PDE3A: variants seen among roughly 807,000 people sequenced by gnomAD.
PDE3A encodes the protein phosphodiesterase 3A.
In PDE3A, 43 loss-of-function variants were observed where a neutral mutation model predicts 98.3. The ratio of observed to expected loss-of-function variants is 0.44; its 90% CI spans 0.34 to 0.56. The LOEUF (loss-of-function observed/expected upper bound fraction) is 0.56, where lower values mean the gene tolerates loss of function less well. PDE3A is among the 20% of genes least tolerant of loss of function. PDE3A has a pLI of 0.01. For missense variants in PDE3A, 1,427 were observed against 1,440.7 expected (o/e 0.99, Z 0.15); for synonymous variants, 663 against 567.9 (o/e 1.17, Z -2.38).
chr12:20,659,795 C>T (rs752676566), intron 15 of PDE3A, among the ~76,000 whole-genome samples: 11 of 152,170 alleles, frequency 7.2e-5, no homozygotes, highest in Non-Finnish European at 1.5e-4. Flanking sequence ...CTGTAGACCA[C>T]TTTTTCGTAT....
chr12:20,635,337 C>T (rs569771187), intron 8 of PDE3A, among the ~76,000 whole-genome samples: 4 of 152,070 alleles, frequency 2.6e-5, no homozygotes, highest in South Asian at 2.1e-4. Flanking sequence ...GAGGCCAAGG[C>T]GGGAGTATCA....
chr12:20,688,450 C>T lies in PDE3A; in HGVS notation c.*8179C>T, dbSNP rs1259826127. Among the ~76,000 whole-genome samples, 5 of 150,974 alleles carry T rather than the reference C, an allele frequency of 3.3e-5. No individual in the cohort carries two copies. The highest frequency in any genetic ancestry group is 1.2e-4 in the African/African-American group (5 of 41,174). ...TTTTTGCCAGAATTACTGGAAGTGC[C>T]TCTTGGTTTTATATATATAATATAT... On this transcript the variant is annotated 3_prime_UTR_variant, in exon 16 of 16. Coordinates refer to ENST00000359062, the MANE Select transcript of PDE3A (RefSeq NM_000921.5).
intron 1 of PDE3A, among the ~76,000 whole-genome samples, chr12:20,472,035 C>A (rs1259168829): frequency 6.6e-6 from 1 of 152,142 alleles, no homozygotes. Context: ...GCAGCTACAT[C>A]CCCACCCTCT....
At chr12:20,518,022 C>T (rs1230830911) in intron 1 of PDE3A, among the ~76,000 whole-genome samples, 1 of 152,164 alleles carries the variant, frequency 6.6e-6, no homozygotes, top group African/African-American at 2.4e-5. Context: ...CAGACAGGGA[C>T]TCATGTCTCC....
chr12:20,525,637 T>A (rs531154765), intron 1 of PDE3A, among the ~76,000 whole-genome samples: 1 of 152,312 alleles, frequency 6.6e-6, no homozygotes, highest in Non-Finnish European at 1.5e-5. Flanking sequence ...TGATTTACTC[T>A]TAATAGGATT....
At chr12:20,581,152 T>C (rs1326691074) in intron 2 of PDE3A, among the ~76,000 whole-genome samples, 3 of 152,192 alleles carry the variant, frequency 2.0e-5, no homozygotes, top group South Asian at 2.1e-4. Context: ...ACTCAGAACA[T>C]TGGACTTAAT....
chr12:20,615,029 T>C (rs1943970270), intron 3 of PDE3A, among the ~76,000 whole-genome samples: 1 of 139,866 alleles, frequency 7.1e-6, no homozygotes, highest in African/African-American at 2.7e-5. Flanking sequence ...TTTTTTTTTT[T>C]TTTTTTTTTT....
chr12:20,377,851 G>A (rs931604810), intron 1 of PDE3A, among the ~76,000 whole-genome samples: 2 of 151,650 alleles, frequency 1.3e-5, no homozygotes, highest in Non-Finnish European at 3.0e-5. Flanking sequence ...TTTGCCTTTA[G>A]GAGTTTGGTA....
rs897928436 is a variant in PDE3A at position 20,680,157 on chromosome 12, G to A, written c.3312G>A (p.Leu1104=). ...QRLAGIENQS[L]DQTPQSHSSE... Reference sequence around the variant, plus strand: ...TGGCAGGCATAGAAAATCAATCCCTGGACCAGACCCCTCAGTCGCACTCTT... The same window carrying A: ...TGGCAGGCATAGAAAATCAATCCCTAGACCAGACCCCTCAGTCGCACTCTT... Residue 1104 remains leucine (L), a synonymous_variant, in exon 16 of 16, where the codon CTG becomes CTA. Coordinates refer to ENST00000359062, the MANE Select transcript of PDE3A (RefSeq NM_000921.5). 6.2e-7 allele frequency: 1 copy of A among 1,613,838 alleles called. No individual in the cohort carries two copies. The highest frequency in any genetic ancestry group is 8.5e-7 in the Non-Finnish European group (1 of 1,179,886).
chr12:20,451,669 A>G (rs1945068389), intron 1 of PDE3A, among the ~76,000 whole-genome samples: 1 of 152,192 alleles, frequency 6.6e-6, no homozygotes, highest in Non-Finnish European at 1.5e-5. Context: ...TTTGAATGTG[A>G]GAAGAATCCC....
chr12:20,400,462 A>C (rs1194642187), intron 1 of PDE3A, among the ~76,000 whole-genome samples: 4 of 132,908 alleles, frequency 3.0e-5, no homozygotes, highest in Admixed American at 8.6e-5. Context: ...GCTGGAGTGC[A>C]GTGGCGCTAT....
chr12:20,536,549 T>C (rs1034428877), intron 1 of PDE3A, among the ~76,000 whole-genome samples: 2 of 152,122 alleles, frequency 1.3e-5, no homozygotes, highest in Non-Finnish European at 2.9e-5. Flanking sequence ...ACCTCTCTAC[T>C]ACTTCCAGGC....
intron 1 of PDE3A, among the ~76,000 whole-genome samples, chr12:20,498,069 A>G (rs1003450285): frequency 8.5e-5 from 13 of 152,216 alleles, no homozygotes; most frequent in Non-Finnish European, 8.8e-5. Flanking sequence ...TAAAAGGAGT[A>G]CTGGTTAGAA....
At chr12:20,570,143 C>T (rs1001821821) in intron 2 of PDE3A, among the ~76,000 whole-genome samples, 1 of 152,084 alleles carries the variant, frequency 6.6e-6, no homozygotes, top group Non-Finnish European at 1.5e-5. Context: ...CACGGTGGCT[C>T]ACGCCTGTAA....
chr12:20,553,132 A>G, intron 1 of PDE3A: 1 of 828,382 alleles, frequency 1.2e-6, no homozygotes, highest in Admixed American at 3.0e-5. Flanking sequence ...GTTCCCTAAA[A>G]AGGTTTGTCT....
chr12:20,481,233 C>T (rs1293939918), intron 1 of PDE3A, among the ~76,000 whole-genome samples: 1 of 152,108 alleles, frequency 6.6e-6, no homozygotes, highest in Non-Finnish European at 1.5e-5. Context: ...AATAACTGTG[C>T]AGCATTACAG....
intron 6 of PDE3A, among the ~76,000 whole-genome samples, chr12:20,631,291 C>A (rs1944371555): frequency 1.3e-5 from 2 of 152,238 alleles, no homozygotes; most frequent in Admixed American, 6.5e-5. Flanking sequence ...GTAAAATATT[C>A]AGAAGATATA....
chr12:20,461,150 T>G (rs11045265), intron 1 of PDE3A, among the ~76,000 whole-genome samples: 36,256 of 149,456 alleles, frequency 0.24, 4,690 homozygotes, highest in African/African-American at 0.33. Context: ...GATCTCACCT[T>G]GGAGCTAGGA....
At chr12:20,679,309 T>G (rs1305217801) in intron 15 of PDE3A, among the ~76,000 whole-genome samples, 5 of 152,114 alleles carry the variant, frequency 3.3e-5, no homozygotes, top group Non-Finnish European at 5.9e-5. Context: ...GTGCAGTGGC[T>G]CTATCTCAGC....
Sources: allele counts gnomAD v4.1 joint callset (sites outside exome capture counted in the v4.1 genomes callset), GRCh38; gene constraint gnomAD v4.1.1; transcripts MANE v1.5; gene names NCBI Gene and HGNC (gene_info 2026-07-23, HGNC 2026-07-21).